The following USH2A variants were observed in gnomAD, a reference collection of about 807,000 sequenced individuals.
USH2A encodes the protein Usher syndrome 2A (autosomal recessive, mild).
USH2A carries 443 observed loss-of-function variants against 538.9 expected under a neutral mutation model. The ratio of observed to expected loss-of-function variants is 0.82; its 90% confidence interval spans 0.76 to 0.89. USH2A has a LOEUF of 0.89. USH2A is among the 40% of genes least tolerant of loss of function. The pLI is 0.00. For synonymous variants in USH2A, 2,413 were observed against 2,273.5 expected (o/e 1.06, Z -1.75); for missense variants, 6,633 against 6,324.8 (o/e 1.05, Z -1.65).
intron 61 of USH2A, among the ~76,000 whole-genome samples, chr1:215,727,781 G>T (rs1285537174): frequency 6.6e-6 from 1 of 152,052 alleles, no homozygotes; most frequent in African/African-American, 2.4e-5. Flanking sequence ...GCAATTTTAT[G>T]AATAAATAAA....
intron 61 of USH2A, among the ~76,000 whole-genome samples, chr1:215,714,777 G>A (rs6665313): frequency 0.16 from 24,801 of 152,138 alleles, 2,211 homozygotes; most frequent in East Asian, 0.31. Flanking sequence ...GGATTGTGCA[G>A]TTTTAGAGAA....
At chr1:216,215,897 T>C (rs1430575829) in intron 15 of USH2A, among the ~76,000 whole-genome samples, 2 of 152,056 alleles carry the variant, frequency 1.3e-5, no homozygotes, top group African/African-American at 2.4e-5. Flanking sequence ...AGGCTAGCTT[T>C]CCAGTGACAT....
chr1:215,878,948 T>C lies in USH2A; in HGVS notation c.8374A>G (p.Thr2792Ala). The change falls in exon 42 of 72, where the codon ACC becomes GCC. Residue 2792 changes from threonine (T) to alanine (A), a missense_variant. Physicochemically the swap from Thr to Ala is moderately conservative, Grantham distance 58. Transcript: ENST00000307340. The stretch of plus-strand genomic sequence containing the variant: ...TTACCCCCTGAGCAAGCAACAATGG[T>C]GACAGAATAATTAGTGAAAGGAATC... ...HLIPFTNYSVTIVACSGGNGY... is the reference protein window; with the variant it reads ...HLIPFTNYSVAIVACSGGNGY... The C allele has an allele frequency of 6.2e-7, 1 of 1,613,962 alleles. No individual in the cohort carries two copies. Among genetic ancestry groups the C allele is most frequent in the Non-Finnish European group, 8.5e-7 (1 of 1,179,966 alleles).
rs1664836243 is a variant in USH2A, at chr1:215,878,810, C to A, written c.8512G>T (p.Val2838Leu). 6.2e-7 allele frequency: 1 copy of A among 1,613,884 alleles called. No individual in the cohort carries two copies. The highest frequency in any genetic ancestry group is 1.3e-5 in the African/African-American group (1 of 74,896). The change falls in exon 42 of 72, where the codon GTG becomes TTG. Residue 2838 changes from valine (V) to leucine (L), a missense_variant. Physicochemically the swap from Val to Leu is conservative, Grantham distance 32. Coordinates refer to ENST00000307340, the MANE Select transcript of USH2A (RefSeq NM_206933.4). ...SVIPLSESYV[V>L]ISWQPPSKPN... is the part of the protein sequence containing the mutation. ...TTGGATGGTGGTTGCCAAGAAATCA[C>A]AACATATGATTCACTTAGTGGAATC...
rs549109848 is a variant in USH2A at position 216,029,318 on chromosome 1, A to G, written c.6325+17113T>C. Among the ~76,000 whole-genome samples the G allele has an allele frequency of 1.6e-4, 24 of 152,192 alleles. 1 individual carries two copies. The South Asian group carries it at 5.0e-3, about 32-fold the overall frequency. On this transcript the variant is annotated intron_variant, in intron 32 of 71. Transcript: ENST00000307340. ...CAGAATATAGAATATACTTTTCTGC[A>G]CAAGTGCTTTACAATATACACTTTG...
chr1:216,316,479 T>C (rs574334027), intron 9 of USH2A, among the ~76,000 whole-genome samples: 3 of 152,252 alleles, frequency 2.0e-5, no homozygotes, highest in Admixed American at 1.3e-4. Context: ...ACCAAAGTGA[T>C]GTCGCCCATG....
intron 22 of USH2A, among the ~76,000 whole-genome samples, chr1:216,092,656 G>A (rs2032329833): frequency 6.6e-6 from 1 of 152,028 alleles, no homozygotes; most frequent in Non-Finnish European, 1.5e-5. Flanking sequence ...AATATGTTTA[G>A]TACCTGTTTT....
At chr1:215,991,258 T>C (rs1053581500) in intron 35 of USH2A, among the ~76,000 whole-genome samples, 5 of 152,206 alleles carry the variant, frequency 3.3e-5, no homozygotes, top group African/African-American at 9.7e-5. Flanking sequence ...AGGCAATGTG[T>C]ATTCAGGTTG....
intron 21 of USH2A, among the ~76,000 whole-genome samples, chr1:216,171,319 T>A (rs1432897974): frequency 6.6e-6 from 1 of 151,972 alleles, no homozygotes; most frequent in African/African-American, 2.4e-5. Context: ...AATCCTCAAT[T>A]TAATAGATGA....
chr1:216,356,713 T>C (rs2038397633), intron 4 of USH2A, among the ~76,000 whole-genome samples: 1 of 152,106 alleles, frequency 6.6e-6, no homozygotes, highest in African/African-American at 2.4e-5. Context: ...ATTAAATCAA[T>C]TCCTTTTTGA....
intron 62 of USH2A, among the ~76,000 whole-genome samples, chr1:215,676,025 C>A (rs974046115): frequency 5.9e-5 from 9 of 152,000 alleles, no homozygotes; most frequent in Non-Finnish European, 1.0e-4. Flanking sequence ...TAGGGTCTAC[C>A]TTCCACGGCA....
chr1:215,785,932 T>TACACACACACAC (rs10638003), intron 52 of USH2A, among the ~76,000 whole-genome samples: 15 of 146,498 alleles, frequency 1.0e-4, no homozygotes, highest in East Asian at 2.0e-4. Flanking sequence ...TGATAGATGA[T>TACACACACACAC]ACACACACAC....
At chr1:216,323,021 C>A (rs1260162526) in intron 8 of USH2A, among the ~76,000 whole-genome samples, 2 of 151,978 alleles carry the variant, frequency 1.3e-5, no homozygotes, top group African/African-American at 4.8e-5. Context: ...ACCCATGGAA[C>A]TGTGCACTAT....
chr1:215,887,171 C>G (rs1228004193), intron 41 of USH2A, among the ~76,000 whole-genome samples: 2 of 152,138 alleles, frequency 1.3e-5, no homozygotes, highest in Non-Finnish European at 2.9e-5. Context: ...AATACTTACT[C>G]TTTTTCAGAT....
intron 32 of USH2A, among the ~76,000 whole-genome samples, chr1:216,005,051 T>A (rs963755219): frequency 5.3e-5 from 8 of 152,188 alleles, no homozygotes; most frequent in Admixed American, 2.6e-4. Context: ...CTTCTTCTGC[T>A]CTTAGAACGA....
chr1:216,301,146 C>A (rs150528286), intron 9 of USH2A, among the ~76,000 whole-genome samples: 374 of 152,140 alleles, frequency 2.5e-3, no homozygotes, highest in African/African-American at 8.6e-3. Context: ...ACTGCAAGAG[C>A]AATTTATTTA....
chr1:216,355,520 T>A (rs2038377827), intron 4 of USH2A, among the ~76,000 whole-genome samples: 1 of 152,050 alleles, frequency 6.6e-6, no homozygotes. Flanking sequence ...GAATTCTATA[T>A]CAAATGAAAA....
intron 32 of USH2A, among the ~76,000 whole-genome samples, chr1:216,014,971 A>T (rs1036351118): frequency 2.6e-5 from 4 of 152,220 alleles, no homozygotes; most frequent in African/African-American, 9.6e-5. Flanking sequence ...TGTTTCTACC[A>T]TCAGAAAATT....
intron 9 of USH2A, among the ~76,000 whole-genome samples, chr1:216,302,126 A>T (rs938546863): frequency 3.0e-4 from 45 of 152,234 alleles, no homozygotes; most frequent in African/African-American, 1.0e-3. Context: ...TTAATTTATT[A>T]TCAGTGATAG....
Sources: allele counts gnomAD v4.1 joint callset (sites outside exome capture counted in the v4.1 genomes callset), GRCh38; gene constraint gnomAD v4.1.1; transcripts MANE v1.5; gene names NCBI Gene and HGNC (gene_info 2026-07-23, HGNC 2026-07-21).